The following SNTG2 variants were observed in gnomAD, a reference collection of about 807,000 sequenced individuals.
SNTG2 encodes gamma-2-syntrophin.
Under a neutral mutation model 70.9 loss-of-function variants are expected in SNTG2, and 74 were observed. That is an observed-to-expected ratio of 1.04 (90% confidence interval 0.86 to 1.27). The LOEUF is 1.27. SNTG2 is among the 50% of genes most tolerant of loss of function. The pLI, the probability that SNTG2 is intolerant of heterozygous loss-of-function variation, is 0.00. For synonymous variants in SNTG2, 278 were observed against 273.8 expected (o/e 1.02, Z -0.15); for missense variants, 717 against 690.7 (o/e 1.04, Z -0.43).
chr2:1,151,385 T>A (rs1338393476), intron 6 of SNTG2, among the ~76,000 whole-genome samples: 1 of 103,594 alleles, frequency 9.7e-6, no homozygotes, highest in Non-Finnish European at 2.0e-5. Flanking sequence ...GGTGCTTTGT[T>A]GTTTGTTGCT....
chr2:1,264,271 A>G (rs1678606159), intron 13 of SNTG2, among the ~76,000 whole-genome samples: 1 of 152,222 alleles, frequency 6.6e-6, no homozygotes, highest in Non-Finnish European at 1.5e-5. Context: ...GCAGCGTTCA[A>G]TCATTCCTGC....
chr2:1,271,391 T>G (rs1679011099), intron 14 of SNTG2, among the ~76,000 whole-genome samples: 1 of 152,130 alleles, frequency 6.6e-6, no homozygotes, highest in African/African-American at 2.4e-5. Context: ...TTATCTAAAT[T>G]TGTATGTCAA....
chr2:1,142,640 G>A (rs1000284064), intron 6 of SNTG2, among the ~76,000 whole-genome samples: 3 of 152,142 alleles, frequency 2.0e-5, no homozygotes, highest in Non-Finnish European at 4.4e-5. Context: ...ACTTAGTGTG[G>A]CCACTGTGAG....
chr2:969,708 A>G (rs1275554251), intron 1 of SNTG2, among the ~76,000 whole-genome samples: 1 of 152,160 alleles, frequency 6.6e-6, no homozygotes, highest in Non-Finnish European at 1.5e-5. Flanking sequence ...TTGTATATTC[A>G]TTTTATATCC....
intron 14 of SNTG2, among the ~76,000 whole-genome samples, chr2:1,297,142 T>TG (rs1338855212): frequency 1.3e-5 from 2 of 152,114 alleles, no homozygotes; most frequent in Non-Finnish European, 2.9e-5. Flanking sequence ...TTCCACCCAC[T>TG]GAAGGATCCC....
intron 11 of SNTG2, among the ~76,000 whole-genome samples, chr2:1,244,037 G>A (rs988026706): frequency 6.6e-6 from 1 of 152,182 alleles, no homozygotes; most frequent in Non-Finnish European, 1.5e-5. Flanking sequence ...GGGCCAGGGT[G>A]GTGGTGGGGG....
chr2:1,313,077 G>A (rs777614864), intron 15 of SNTG2, among the ~76,000 whole-genome samples: 6 of 152,070 alleles, frequency 3.9e-5, no homozygotes, highest in Non-Finnish European at 8.8e-5. Flanking sequence ...TTCCATGATC[G>A]GTGTGTTAAC....
At chr2:1,212,724 T>C (rs1457599383) in intron 9 of SNTG2, among the ~76,000 whole-genome samples, 4 of 152,218 alleles carry the variant, frequency 2.6e-5, no homozygotes, top group African/African-American at 4.8e-5. Flanking sequence ...GATGCTGTTC[T>C]TAGCTCCACC....
intron 6 of SNTG2, chr2:1,161,401 G>C (rs536975170): frequency 1.3e-5 from 2 of 152,320 alleles, no homozygotes; most frequent in African/African-American, 4.8e-5. Context: ...AGACAGAAAA[G>C]GGGAAAGCCT....
intron 1 of SNTG2, among the ~76,000 whole-genome samples, chr2:1,033,588 TCTC>T (rs139350725): frequency 0.035 from 5,363 of 152,238 alleles, 247 homozygotes; most frequent in African/African-American, 0.1. Flanking sequence ...CTTAGTAAAA[TCTC>T]CTCTGATCAC....
intron 1 of SNTG2, among the ~76,000 whole-genome samples, chr2:957,320 C>T (rs1660197878): frequency 6.6e-6 from 1 of 152,014 alleles, no homozygotes; most frequent in African/African-American, 2.4e-5. Flanking sequence ...TACCACCTCC[C>T]TGCTTGAGGG....
intron 1 of SNTG2, among the ~76,000 whole-genome samples, chr2:1,029,689 G>A (rs569000162): frequency 6.6e-6 from 1 of 152,134 alleles, no homozygotes; most frequent in Non-Finnish European, 1.5e-5. Context: ...CGCCGCCAAG[G>A]TGCACTCATT....
intron 14 of SNTG2, among the ~76,000 whole-genome samples, chr2:1,299,057 C>A (rs962090740): frequency 2.0e-5 from 3 of 152,156 alleles, no homozygotes; most frequent in African/African-American, 7.2e-5. Context: ...TTAATAAACT[C>A]CCCTTGATAT....
intron 4 of SNTG2, among the ~76,000 whole-genome samples, chr2:1,114,147 A>G (rs1364531913): frequency 1.3e-5 from 2 of 151,520 alleles, no homozygotes; most frequent in African/African-American, 4.9e-5. Flanking sequence ...GTGAGGTTTA[A>G]CCCTTACGGT....
intron 4 of SNTG2, among the ~76,000 whole-genome samples, chr2:1,131,995 T>G (rs919655551): frequency 3.9e-5 from 6 of 152,150 alleles, no homozygotes; most frequent in Non-Finnish European, 8.8e-5. Context: ...TGAAAATGTT[T>G]CCATTACTTG....
chr2:1,335,133 A>C (rs1333014736), intron 16 of SNTG2, among the ~76,000 whole-genome samples: 2 of 152,130 alleles, frequency 1.3e-5, no homozygotes, highest in African/African-American at 4.8e-5. Flanking sequence ...CCTAAAGCGC[A>C]CTGAGCCTGT....
intron 16 of SNTG2, among the ~76,000 whole-genome samples, chr2:1,318,520 G>A (rs1454050190): frequency 6.6e-6 from 1 of 152,230 alleles, no homozygotes; most frequent in Non-Finnish European, 1.5e-5. Context: ...TCCTGGGCTG[G>A]GGGAGAGCGA....
At chr2:1,169,687 A>G (rs934519896) in intron 7 of SNTG2, among the ~76,000 whole-genome samples, 26 of 152,110 alleles carry the variant, frequency 1.7e-4, no homozygotes, top group African/African-American at 5.8e-4. Flanking sequence ...CCAGTCACAT[A>G]GTGACTTCAA....
intron 9 of SNTG2, among the ~76,000 whole-genome samples, chr2:1,228,045 G>T (rs1485225474): frequency 6.6e-6 from 1 of 152,160 alleles, no homozygotes; most frequent in Non-Finnish European, 1.5e-5. Flanking sequence ...ACTCAAGGCT[G>T]GGGTCTGAGT....
Sources: gnomAD v4.1 joint callset for allele counts (sites outside exome capture counted in the v4.1 genomes callset) on GRCh38, gnomAD v4.1.1 for gene constraint, MANE v1.5 for transcripts, NCBI Gene and HGNC (gene_info 2026-07-23, HGNC 2026-07-21) for gene names.